Variants in RXYLT1 observed in about 807,000 individuals in gnomAD.
The protein encoded by RXYLT1 is ribitol-5-phosphate xylosyltransferase 1.
In RXYLT1, 41 loss-of-function variants were observed where a neutral mutation model predicts 43.5. That is an observed-to-expected ratio of 0.94 (90% CI 0.73 to 1.22). The LOEUF (loss-of-function observed/expected upper bound fraction) is 1.22. Among genes scored for constraint, RXYLT1 ranks in the 50% most tolerant of loss-of-function variants. RXYLT1 has a pLI of 0.00. For missense variants in RXYLT1, 514 were observed against 532.0 expected (o/e 0.97, Z 0.33); for synonymous variants, 166 against 194.4 (o/e 0.85, Z 1.21).
rs762943506 is a variant in RXYLT1 at position 63,779,920 on chromosome 12, C to T, written c.-41C>T. 1 of 1,606,360 alleles carries T rather than the reference C, an allele frequency of 6.2e-7. No individual in the cohort carries two copies. Among genetic ancestry groups the T allele is most frequent in the Non-Finnish European group, 8.5e-7 (1 of 1,178,360 alleles). ...CGGTGTCGCGGATTCTCTTTCCGCC[C>T]GCTCCATGGCGGTGGATGCCTGACT... On this transcript the variant is annotated 5_prime_UTR_variant, in exon 1 of 6. Transcript: ENST00000261234.
rs977676056 is a variant in RXYLT1 at position 63,781,071 on chromosome 12, A to C, written c.222A>C (p.Lys74Asn). 1.2e-6 allele frequency: 2 copies of C among 1,609,440 alleles called. No homozygotes were observed. The highest frequency in any genetic ancestry group is 1.3e-5 in the African/African-American group (1 of 74,710). Reference sequence around the variant, plus strand: ...GGAATCCTTGGGAAGGAGATGAAAAAAATGAGCAACAACACAGATTTAAAA... The same window carrying C: ...GGAATCCTTGGGAAGGAGATGAAAACAATGAGCAACAACACAGATTTAAAA... ...EEWNPWEGDE[K>N]NEQQHRFKTS... Residue 74 changes from lysine (K) to asparagine (N), a missense_variant, in exon 2 of 6, where the codon AAA becomes AAC. By Grantham distance (94) the Lys-to-Asn change is moderately conservative (BLOSUM62 0). Coordinates refer to ENST00000261234, the MANE Select transcript of RXYLT1 (RefSeq NM_014254.3).
In RXYLT1 at chr12:63,792,905, C is replaced by A. The variant is rs12827108; in HGVS notation, c.428+7833C>A. 2.0e-3 allele frequency among the ~76,000 whole-genome samples: 305 copies of A among 152,260 alleles called. 1 individual carries two copies. Among genetic ancestry groups the A allele is most frequent in the Non-Finnish European group, 2.3e-3 (159 of 68,014 alleles). On this transcript the variant is annotated intron_variant, in intron 3 of 5. Transcript: ENST00000261234. The stretch of plus-strand genomic sequence containing the variant: ...CAATTCTATAATTTCATGTTGAATT[C>A]TTTTTAAGAGATGGGGGTCTTGCTA...
intron 3 of RXYLT1, among the ~76,000 whole-genome samples, chr12:63,799,417 G>C (rs959495707): frequency 6.8e-6 from 1 of 146,762 alleles, no homozygotes. Context: ...TGATCCTCCT[G>C]CCTCAGCCTG....
intron 5 of RXYLT1, 107 bp from the exon 6 acceptor site, chr12:63,808,568 A>G: frequency 7.8e-7 from 1 of 1,279,294 alleles, no homozygotes. Context: ...ATCTCTATAA[A>G]GTTTCACCAT....
chr12:63,798,116 A>G (rs992982582), intron 3 of RXYLT1, among the ~76,000 whole-genome samples: 1 of 152,094 alleles, frequency 6.6e-6, no homozygotes, highest in Non-Finnish European at 1.5e-5. Context: ...TCATCAGGAA[A>G]ATTGAGGACA....
intron 3 of RXYLT1, 93 bp from the exon 4 acceptor site, chr12:63,801,998 T>C: frequency 2.5e-6 from 3 of 1,195,294 alleles, no homozygotes; most frequent in South Asian, 1.6e-5. Flanking sequence ...TAAATCTCAT[T>C]GTAGATTTTG....
intron 3 of RXYLT1, 51 bp from the exon 4 acceptor site, chr12:63,802,040 C>T: frequency 6.8e-7 from 1 of 1,480,844 alleles, no homozygotes; most frequent in Non-Finnish European, 9.1e-7. Context: ...TACCACATAC[C>T]TTTGTTCAGG....
chr12:63,783,396 G>A (rs1897730014), intron 2 of RXYLT1, among the ~76,000 whole-genome samples: 1 of 152,080 alleles, frequency 6.6e-6, no homozygotes, highest in South Asian at 2.1e-4. Flanking sequence ...GGGAGGTGGA[G>A]GTTGCAGTGA....
At chr12:63,780,482 A>C in intron 1 of RXYLT1, 1 of 1,104,982 alleles carries the variant, frequency 9.0e-7, no homozygotes, top group Non-Finnish European at 1.1e-6. Flanking sequence ...ATCCGTTTCC[A>C]TGTTGAAACA....
chr12:63,788,368 A>G (rs1440886736), intron 3 of RXYLT1, among the ~76,000 whole-genome samples: 1 of 152,222 alleles, frequency 6.6e-6, no homozygotes, highest in Non-Finnish European at 1.5e-5. Flanking sequence ...CTCTCTAGCT[A>G]TGAAAGTCCT....
intron 3 of RXYLT1, among the ~76,000 whole-genome samples, chr12:63,790,737 C>T (rs939127455): frequency 4.6e-5 from 7 of 152,146 alleles, no homozygotes; most frequent in African/African-American, 1.7e-4. Flanking sequence ...GCTGGGATTA[C>T]ACGTGTGAGC....
At chr12:63,795,053 T>C (rs1897998759) in intron 3 of RXYLT1, among the ~76,000 whole-genome samples, 1 of 152,108 alleles carries the variant, frequency 6.6e-6, no homozygotes, top group South Asian at 2.1e-4. Context: ...CCCAGCACTT[T>C]GGGAGGCCAA....
At chr12:63,800,120 ATC>A (rs1198063189) in intron 3 of RXYLT1, among the ~76,000 whole-genome samples, 2 of 152,198 alleles carry the variant, frequency 1.3e-5, no homozygotes, top group African/African-American at 2.4e-5. Context: ...TTTAACTAAT[ATC>A]TGTTTAGTAT....
intron 5 of RXYLT1, chr12:63,806,648 T>A (rs950094742): frequency 7.2e-5 from 11 of 152,270 alleles, no homozygotes; most frequent in Non-Finnish European, 1.5e-5. Context: ...GTAACTCCTC[T>A]CATACCATTG....
chr12:63,781,026 C>T lies in RXYLT1; in HGVS notation c.177C>T (p.Ser59=). 1.3e-6 allele frequency: 2 copies of T among 1,594,372 alleles called. No homozygotes were observed. Among genetic ancestry groups the T allele is most frequent in the Non-Finnish European group, 1.7e-6 (2 of 1,172,292 alleles). The part of the protein sequence containing the change: ...PARERRGREQ[S]TLESEEWNPW... ...TTACTCTTTTTAAAACAGAACAGTC[C>T]ACTTTGGAAAGTGAAGAATGGAATC... The change falls in exon 2 of 6, where the codon TCC becomes TCT. Residue 59 remains serine (S), a synonymous_variant. Transcript: ENST00000261234.
At chr12:63,798,632 T>C (rs1485570501) in intron 3 of RXYLT1, among the ~76,000 whole-genome samples, 1 of 152,202 alleles carries the variant, frequency 6.6e-6, no homozygotes, top group Non-Finnish European at 1.5e-5. Context: ...AAACTGCAAG[T>C]TCAAAGCAGT....
Position 63,781,076 on chromosome 12 carries a change from A to G in RXYLT1, c.227A>G (p.Glu76Gly). ...CCTTGGGAAGGAGATGAAAAAAATG[A>G]GCAACAACACAGATTTAAAACTAGC... The part of the protein sequence containing the change: ...WNPWEGDEKN[E>G]QQHRFKTSLQ... Residue 76 changes from glutamate to glycine, a missense_variant, in exon 2 of 6, where the codon GAG (glutamate) becomes GGG (glycine). Coordinates refer to ENST00000261234, the MANE Select transcript of RXYLT1 (RefSeq NM_014254.3). The G allele has an allele frequency of 6.2e-7, 1 of 1,609,612 alleles. No individual in the cohort carries two copies. Among genetic ancestry groups the G allele is most frequent in the Non-Finnish European group, 8.5e-7 (1 of 1,178,440 alleles).
intron 3 of RXYLT1, among the ~76,000 whole-genome samples, chr12:63,793,328 A>AT (rs1223266247): frequency 6.6e-6 from 1 of 151,880 alleles, no homozygotes; most frequent in African/African-American, 2.4e-5. Context: ...TAATCGTGTG[A>AT]TTTTTCAGGG....
At chr12:63,784,885 AAGAAC>A in intron 2 of RXYLT1, 80 bp from the exon 3 acceptor site, 1 of 1,201,768 alleles carries the variant, frequency 8.3e-7, no homozygotes, top group Non-Finnish European at 1.2e-6. Flanking sequence ...AAATGAGTAA[AAGAAC>A]AGAACGTAAA....
Sources: allele counts gnomAD v4.1 joint callset (sites outside exome capture counted in the v4.1 genomes callset), GRCh38; gene constraint gnomAD v4.1.1; transcripts MANE v1.5; gene names NCBI Gene and HGNC (gene_info 2026-07-23, HGNC 2026-07-21).